MOB3B: variants seen among roughly 807,000 people sequenced by gnomAD.
The protein encoded by MOB3B is MOB kinase activator 3B, also known as MOB kinase activator-like 2B.
A neutral mutation model predicts 18.7 loss-of-function variants in MOB3B; 7 were observed. That is an observed-to-expected ratio of 0.37 (90% CI 0.21 to 0.70). MOB3B has a LOEUF of 0.70. Ranked by LOEUF, MOB3B falls within the 30% of genes least tolerant of loss-of-function variation. MOB3B has a pLI of 0.52. For synonymous variants in MOB3B, 111 were observed against 99.9 expected (o/e 1.11, Z -0.66); for missense variants, 253 against 281.3 (o/e 0.90, Z 0.72).
intron 2 of MOB3B, among the ~76,000 whole-genome samples, chr9:27,387,937 A>T (rs117062014): frequency 6.6e-6 from 1 of 151,814 alleles, no homozygotes; most frequent in Non-Finnish European, 1.5e-5. Flanking sequence ...ACTAGAAATG[A>T]TTTTGCCCCC....
chr9:27,415,212 C>T (rs929569354), intron 2 of MOB3B, among the ~76,000 whole-genome samples: 2 of 152,138 alleles, frequency 1.3e-5, no homozygotes, highest in African/African-American at 4.8e-5. Context: ...TAGAAGATGG[C>T]TTTATGGGTG....
chr9:27,378,800 G>T (rs1029664828), intron 2 of MOB3B: 23 of 396,824 alleles, frequency 5.8e-5, no homozygotes, highest in Middle Eastern at 8.8e-4. Flanking sequence ...AGACTGGAAG[G>T]ATAGGGCTCA....
chr9:27,479,203 C>T (rs1819608192), intron 1 of MOB3B, among the ~76,000 whole-genome samples: 1 of 152,176 alleles, frequency 6.6e-6, no homozygotes, highest in African/African-American at 2.4e-5. Flanking sequence ...ACTGTCACAT[C>T]ATGGCAGAAG....
At chr9:27,395,371 T>A (rs1320442444) in intron 2 of MOB3B, among the ~76,000 whole-genome samples, 1 of 152,196 alleles carries the variant, frequency 6.6e-6, no homozygotes, top group African/African-American at 2.4e-5. Flanking sequence ...CATTCCACGA[T>A]GTAAACATAT....
At chr9:27,363,142 C>T (rs916294735) in intron 2 of MOB3B, among the ~76,000 whole-genome samples, 2 of 152,174 alleles carry the variant, frequency 1.3e-5, no homozygotes, top group Non-Finnish European at 2.9e-5. Context: ...AAGAAGTATC[C>T]AATCTCCATT....
intron 2 of MOB3B, among the ~76,000 whole-genome samples, chr9:27,426,703 T>C (rs1822339658): frequency 6.6e-6 from 1 of 152,162 alleles, no homozygotes; most frequent in African/African-American, 2.4e-5. Context: ...CGACTCAGAA[T>C]CCAAGGGGAA....
In MOB3B at chr9:27,455,711, C is replaced by A. The variant is rs938071866; in HGVS notation, c.-161G>T. 3 of 1,468,682 alleles carry A rather than the reference C, an allele frequency of 2.0e-6. No homozygotes were observed. In the African/African-American group the frequency reaches 4.2e-5, roughly 21 times the overall value. 91.0% of individuals were successfully genotyped at this position (1,468,682 alleles called of 1,614,324 possible). On this transcript the variant is annotated 5_prime_UTR_variant, in exon 2 of 4. Coordinates refer to ENST00000262244, the MANE Select transcript of MOB3B (RefSeq NM_024761.5). ...TCTTCTAAACAGCCCCTTCCATCTTCCTCTTGAATGATTTCCAAGGGAACC... is the reference window on the plus strand; with the variant it reads ...TCTTCTAAACAGCCCCTTCCATCTTACTCTTGAATGATTTCCAAGGGAACC...
At chr9:27,486,164 AC>A in intron 1 of MOB3B, among the ~76,000 whole-genome samples, 1 of 152,352 alleles carries the variant, frequency 6.6e-6, no homozygotes, top group South Asian at 2.1e-4. Context: ...TCGATGGTGG[AC>A]CAGGAATGCC....
intron 2 of MOB3B, among the ~76,000 whole-genome samples, chr9:27,449,561 C>T (rs896601121): frequency 1.1e-4 from 16 of 152,218 alleles, no homozygotes; most frequent in Admixed American, 9.2e-4. Context: ...CCAAGTCTAT[C>T]TACAAGTCCA....
Position 27,328,032 on chromosome 9 carries a change from C to T in MOB3B, c.*2555G>A, listed in dbSNP as rs1046747661. ...CTTGAGGCAAGGGGTTCAAGGCCAG[C>T]TTGGGTAAAATAGGGAGAGACCCCT... On this transcript the variant is annotated 3_prime_UTR_variant, in exon 4 of 4. Transcript: ENST00000262244. 1.3e-5 allele frequency: 2 copies of T among 149,684 alleles called. No homozygotes were observed. The highest frequency in any genetic ancestry group is 4.9e-5 in the African/African-American group (2 of 40,528). The allele number at this position is 149,684 out of a possible 1,614,324, so 9.3% of individuals were successfully genotyped here.
chr9:27,469,801 T>G (rs530117015), intron 1 of MOB3B, among the ~76,000 whole-genome samples: 1 of 152,192 alleles, frequency 6.6e-6, no homozygotes, highest in South Asian at 2.1e-4. Flanking sequence ...CCCTCCCTTT[T>G]CGTGCCAGGC....
intron 2 of MOB3B, among the ~76,000 whole-genome samples, chr9:27,374,535 G>C (rs1821465226): frequency 6.6e-6 from 1 of 152,084 alleles, no homozygotes. Context: ...TTTGGAATTT[G>C]GTCTTGGTGA....
intron 1 of MOB3B, among the ~76,000 whole-genome samples, chr9:27,494,646 C>A (rs1024117759): frequency 6.6e-6 from 1 of 152,168 alleles, no homozygotes; most frequent in African/African-American, 2.4e-5. Flanking sequence ...TCCTGAGTAG[C>A]TGGGACTACA....
At chr9:27,385,138 G>C (rs10122400) in intron 2 of MOB3B, among the ~76,000 whole-genome samples, 6,498 of 152,286 alleles carry the variant, frequency 0.043, 400 homozygotes, top group African/African-American at 0.14. Context: ...GGGGGCAAAA[G>C]GAGGGTCTTT....
intron 1 of MOB3B, among the ~76,000 whole-genome samples, chr9:27,508,859 A>G (rs1366642753): frequency 6.6e-6 from 1 of 152,204 alleles, no homozygotes; most frequent in East Asian, 1.9e-4. Flanking sequence ...AAGGTCAAAC[A>G]CTTCATTAGA....
chr9:27,494,437 T>TC (rs1254714853), intron 1 of MOB3B, among the ~76,000 whole-genome samples: 4 of 152,300 alleles, frequency 2.6e-5, no homozygotes, highest in African/African-American at 9.6e-5. Context: ...ATGTGATGTC[T>TC]CCCTTGGATG....
At chr9:27,344,373 A>T (rs1322412407) in intron 3 of MOB3B, among the ~76,000 whole-genome samples, 1 of 152,214 alleles carries the variant, frequency 6.6e-6, no homozygotes, top group East Asian at 1.9e-4. Context: ...GAATTATTCC[A>T]TTTAGAATAA....
At chr9:27,418,349 C>T (rs1822187351) in intron 2 of MOB3B, among the ~76,000 whole-genome samples, 1 of 151,962 alleles carries the variant, frequency 6.6e-6, no homozygotes, top group Non-Finnish European at 1.5e-5. Flanking sequence ...GCCAGCATCA[C>T]CCTAATACCA....
At chr9:27,427,074 T>C (rs1008059394) in intron 2 of MOB3B, among the ~76,000 whole-genome samples, 23 of 152,170 alleles carry the variant, frequency 1.5e-4, no homozygotes, top group African/African-American at 5.3e-4. Context: ...TGAAAGCAGA[T>C]CCCAGAATTC....
Sources: gnomAD v4.1 joint callset for allele counts (sites outside exome capture counted in the v4.1 genomes callset) on GRCh38, gnomAD v4.1.1 for gene constraint, MANE v1.5 for transcripts, NCBI Gene and HGNC (gene_info 2026-07-23, HGNC 2026-07-21) for gene names.